Variants in GSE1 observed in about 807,000 individuals in gnomAD.
GSE1 encodes the protein Gse1 coiled-coil protein.
A neutral mutation model predicts 112.6 loss-of-function variants in GSE1; 32 were observed. The observed-to-expected ratio is 0.28, with a 90% CI of 0.21 to 0.38. The LOEUF is 0.38. Ranked by LOEUF, GSE1 falls within the 10% of genes least tolerant of loss-of-function variation. The probability of loss-of-function intolerance (pLI) is 1.00; values close to 1 mark genes in which losing one functional copy is unlikely to be tolerated. For missense variants in GSE1, 2,348 were observed against 1,699.2 expected (o/e 1.38, Z -6.71); for synonymous variants, 1,115 against 735.6 (o/e 1.52, Z -8.35).
exon 1 of GSE1, chr16:85,171,645 G>C (rs1412205104): frequency 1.0e-6 from 1 of 985,566 alleles, no homozygotes. Flanking sequence ...GGCTGCCCCT[G>C]TTCCTATACA....
intron 13 of GSE1, 50 bp from the exon 14 acceptor site, chr16:85,668,090 C>T (rs750084012): frequency 7.0e-7 from 1 of 1,429,510 alleles, no homozygotes; most frequent in Non-Finnish European, 9.5e-7. Flanking sequence ...GAGACAGCAC[C>T]CTGTGTCCCT....
At chr16:85,238,819 A>C (rs1445487378) in intron 1 of GSE1, among the ~76,000 whole-genome samples, 1 of 152,120 alleles carries the variant, frequency 6.6e-6, no homozygotes, top group East Asian at 1.9e-4. Flanking sequence ...TTATTCATCC[A>C]CAGGGCTCCT....
In GSE1 at chr16:85,447,341, T is replaced by G. The variant is rs560382877; in HGVS notation, c.2464+89698T>G. On this transcript the variant is annotated intron_variant, in intron 2 of 2. Transcript: ENST00000637419. ...CTGGAAGAAGGCTCATATAAACACG[T>G]GGTGGCCAGGAGCTGGGGTTCACAG... Among the ~76,000 whole-genome samples the G allele has an allele frequency of 5.3e-5, 8 of 152,306 alleles. No individual in the cohort carries two copies. In the East Asian group the frequency reaches 1.5e-3, roughly 29 times the overall value.
upstream of GSE1, among the ~76,000 whole-genome samples, chr16:85,552,631 C>A (rs8046827): frequency 2.8e-3 from 432 of 152,376 alleles, 2 homozygotes; most frequent in African/African-American, 9.9e-3. Flanking sequence ...CGCGCTCAGT[C>A]TCAGGTGGAC....
At chr16:85,329,480 C>A (rs1439698921) in intron 1 of GSE1, among the ~76,000 whole-genome samples, 1 of 152,050 alleles carries the variant, frequency 6.6e-6, no homozygotes, top group Non-Finnish European at 1.5e-5. Context: ...GGCTTGGGGG[C>A]TGCAGAGCCA....
Position 85,565,423 on chromosome 16 carries a change from A to AAAC in GSE1, c.37+9060_37+9061insAAC, listed in dbSNP as rs34832164. 2.8e-3 allele frequency among the ~76,000 whole-genome samples: 417 copies of AAAC among 151,086 alleles called. 5 individuals carry two copies. The highest frequency in any genetic ancestry group is 9.9e-3 in the African/African-American group (404 of 40,604). ...AAAAAAAACAAAAAAAAACAAAAAA[A>AAAC]CCACCAACCAACCCCCTGTGCTTGT... On this transcript the variant is annotated intron_variant, in intron 1 of 2. Transcript: ENST00000635906.
chr16:85,477,677 C>T (rs1397449061), intron 2 of GSE1, among the ~76,000 whole-genome samples: 1 of 151,334 alleles, frequency 6.6e-6, no homozygotes, highest in Non-Finnish European at 1.5e-5. Context: ...TCTCCTGCTT[C>T]AGCCTCCTGA....
At chr16:85,316,353 T>C (rs1303725440) in intron 1 of GSE1, among the ~76,000 whole-genome samples, 4 of 152,218 alleles carry the variant, frequency 2.6e-5, no homozygotes, top group Non-Finnish European at 5.9e-5. Context: ...CAGAATCCGG[T>C]GTGTCTGCTT....
chr16:85,221,522 A>G (rs76363764), intron 1 of GSE1, among the ~76,000 whole-genome samples: 376 of 152,196 alleles, frequency 2.5e-3, no homozygotes, highest in African/African-American at 8.7e-3. Flanking sequence ...ATCCCTCTAC[A>G]GGGATGACCT....
Position 85,524,140 on chromosome 16 carries a change from G to A in GSE1, c.2465-109774G>A, listed in dbSNP as rs143742816. On this transcript the variant is annotated intron_variant, in intron 2 of 2. Coordinates refer to the GSE1 transcript ENST00000637419. ...CCGGTGGGGTGCAGGGGACCTACAC[G>A]TTCAAACCTCCCCGTCTGATTCCTG... is the stretch of plus-strand genomic sequence containing the variant. 3.6e-4 allele frequency among the ~76,000 whole-genome samples: 55 copies of A among 152,292 alleles called. No individual in the cohort carries two copies. The East Asian group carries it at 8.7e-3, about 24-fold the overall frequency.
chr16:85,429,186 C>T (rs552265574), intron 2 of GSE1, among the ~76,000 whole-genome samples: 8 of 152,342 alleles, frequency 5.3e-5, no homozygotes, highest in South Asian at 2.1e-4. Context: ...AGGGCATGCA[C>T]GCCTTCTCAG....
chr16:85,251,354 CA>C (rs1178785102), intron 1 of GSE1, among the ~76,000 whole-genome samples: 2 of 152,274 alleles, frequency 1.3e-5, no homozygotes, highest in African/African-American at 4.8e-5. Context: ...GCACCCAGCA[CA>C]AATAACACAG....
intron 1 of GSE1, among the ~76,000 whole-genome samples, chr16:85,605,419 T>C (rs2047660875): frequency 6.6e-6 from 1 of 152,080 alleles, no homozygotes; most frequent in Admixed American, 6.5e-5. Context: ...TAAAACTTTA[T>C]TTGTCTGTGC....
intron 11 of GSE1, chr16:85,664,782 G>C: frequency 2.1e-6 from 1 of 486,552 alleles, no homozygotes; most frequent in Non-Finnish European, 3.7e-6. Context: ...TCACCGCACG[G>C]ACAGCTGTCT....
At chr16:85,650,798 C>T (rs895827310) in intron 3 of GSE1, among the ~76,000 whole-genome samples, 1 of 152,058 alleles carries the variant, frequency 6.6e-6, no homozygotes, top group African/African-American at 2.4e-5. Context: ...ATTCCCCTCC[C>T]ACCCGGCCCA....
rs1023853560 is a variant in GSE1 at position 85,602,214 on chromosome 16, C to A, written c.37+45851C>A. The stretch of plus-strand genomic sequence containing the variant: ...CCAGGGCCGGGTTAGCAGCACACAG[C>A]GCCCAGGGGGTTGCCTGGAGGCCGA... On this transcript the variant is annotated intron_variant, in intron 1 of 2. Coordinates refer to the GSE1 transcript ENST00000635906. Among the ~76,000 whole-genome samples, 11 of 151,968 alleles carry A rather than the reference C, an allele frequency of 7.2e-5. No individual in the cohort carries two copies. In the East Asian group the frequency reaches 2.1e-3, roughly 29 times the overall value.
chr16:85,324,815 G>A (rs1164079832), intron 1 of GSE1, among the ~76,000 whole-genome samples: 1 of 152,128 alleles, frequency 6.6e-6, no homozygotes, highest in Non-Finnish European at 1.5e-5. Context: ...CGGGGAAAGG[G>A]GGATAAATCT....
intron 1 of GSE1, among the ~76,000 whole-genome samples, chr16:85,353,279 G>A (rs143782829): frequency 1.2e-3 from 190 of 152,348 alleles, no homozygotes; most frequent in African/African-American, 4.2e-3. Context: ...GTATTCATTT[G>A]TCTGTAGGAC....
chr16:85,471,823 G>A (rs1320122118), intron 2 of GSE1, among the ~76,000 whole-genome samples: 1 of 152,082 alleles, frequency 6.6e-6, no homozygotes, highest in African/African-American at 2.4e-5. Context: ...TGATCTTCCC[G>A]CCTCAGCCTC....
Sources: gnomAD v4.1 joint callset for allele counts (sites outside exome capture counted in the v4.1 genomes callset) on GRCh38, gnomAD v4.1.1 for gene constraint, MANE v1.5 for transcripts, NCBI Gene and HGNC (gene_info 2026-07-23, HGNC 2026-07-21) for gene names.